The following SEPTIN6 variants were observed in gnomAD, a reference collection of about 807,000 sequenced individuals.
SEPTIN6 encodes septin-6.
In SEPTIN6, 8 loss-of-function variants were observed where a neutral mutation model predicts 33.6. The observed-to-expected ratio is 0.24, with a 90% CI of 0.14 to 0.43. SEPTIN6 has a LOEUF of 0.43. Ranked by LOEUF, SEPTIN6 falls within the 20% of genes least tolerant of loss-of-function variation. The probability of loss-of-function intolerance (pLI) is 1.00; values close to 1 mark genes in which losing one functional copy is unlikely to be tolerated. For missense variants in SEPTIN6, 250 were observed against 340.8 expected (o/e 0.73, Z 2.10); for synonymous variants, 131 against 140.0 (o/e 0.94, Z 0.45).
intron 8 of SEPTIN6, among the ~76,000 whole-genome samples, chrX:119,631,511 C>T (rs912387840): frequency 9.0e-6 from 1 of 111,438 alleles, no homozygotes; most frequent in Non-Finnish European, 1.9e-5. Flanking sequence ...CTAGGGCTGC[C>T]TATCAATTGC....
chrX:119,669,759 C>T (rs748077218), intron 2 of SEPTIN6, among the ~76,000 whole-genome samples: 1 of 111,975 alleles, frequency 8.9e-6, no homozygotes, highest in Admixed American at 9.5e-5. Flanking sequence ...GACAAATAAG[C>T]AGCTGCCTTT....
rs887107076 is a variant in SEPTIN6 at position 119,618,599 on chromosome X, G to A, written c.*1494C>T. The A allele has an allele frequency of 2.9e-5, 30 of 1,034,831 alleles. No homozygotes were observed. The highest frequency in any genetic ancestry group is 3.4e-5 in the South Asian group (1 of 29,015). The allele number at this position is 1,034,831 out of a possible 1,213,427, so 85.3% of individuals were successfully genotyped here. A position where few individuals can be genotyped will look rare whatever the true frequency, so the allele number is the denominator to read the frequency against. On this transcript the variant is annotated 3_prime_UTR_variant, in exon 11 of 11. Coordinates refer to ENST00000394610, the MANE Select transcript of SEPTIN6 (RefSeq NM_145799.4). ...CAGTGCCAGTGGGGCTGGGAGGCAG[G>A]AGCAAGTTGCGGAACTCAAAAAGAA...
At chrX:119,635,092 C>G (rs1158437072) in intron 7 of SEPTIN6, 1 of 346,566 alleles carries the variant, frequency 2.9e-6, no homozygotes, top group African/African-American at 2.6e-5. Flanking sequence ...ATGGAGGGAG[C>G]AGTAAGGGAA....
intron 8 of SEPTIN6, among the ~76,000 whole-genome samples, chrX:119,630,929 G>GT (rs1417062797): frequency 9.1e-6 from 1 of 109,982 alleles, no homozygotes; most frequent in Non-Finnish European, 1.9e-5. Flanking sequence ...TGCCATTGTG[G>GT]TAAGTGGATC....
intron 2 of SEPTIN6, among the ~76,000 whole-genome samples, chrX:119,673,720 T>C (rs1222570301): frequency 9.3e-6 from 1 of 107,394 alleles, no homozygotes. Flanking sequence ...CGTGCACCTA[T>C]AGTCCCAGGT....
chrX:119,676,408 G>A (rs1162533926), intron 1 of SEPTIN6, among the ~76,000 whole-genome samples: 1 of 107,773 alleles, frequency 9.3e-6, no homozygotes, highest in East Asian at 2.9e-4. Flanking sequence ...AGGCTGCAGT[G>A]AGCCGAGATC....
At chrX:119,616,166 C>A, downstream of SEPTIN6, 1 of 220,350 alleles carries the variant, frequency 4.5e-6, no homozygotes, top group South Asian at 1.2e-4. Flanking sequence ...CCCTTCTCTA[C>A]CTAAGTGTTA....
chrX:119,661,041 C>CAA (rs58898121), intron 3 of SEPTIN6, among the ~76,000 whole-genome samples: 198 of 9,521 alleles, frequency 0.021, 37 homozygotes, highest in Non-Finnish European at 0.029. Flanking sequence ...GACTCCATCT[C>CAA]AAAAAAAAAA....
At position 119,655,305 on chromosome X, in the gene SEPTIN6, C is replaced by T. The variant is rs959599101; in HGVS notation, c.342-2265G>A. ...TCATCTCTGTATCCTCCACGTCTAG[C>T]CTGCTGTCTGGAACATAGTAAAGTT... On this transcript the variant is annotated intron_variant, in intron 3 of 10. Coordinates refer to ENST00000394610, the MANE Select transcript of SEPTIN6 (RefSeq NM_145799.4). Among the ~76,000 whole-genome samples, 6 of 110,271 alleles carry T rather than the reference C, an allele frequency of 5.4e-5. 1 individual carries two copies. Among genetic ancestry groups the T allele is most frequent in the Non-Finnish European group, 1.1e-4 (6 of 52,826 alleles).
chrX:119,639,402 C>T (rs1569424991), intron 6 of SEPTIN6, among the ~76,000 whole-genome samples: 1 of 112,121 alleles, frequency 8.9e-6, no homozygotes, highest in Non-Finnish European at 1.9e-5. Context: ...ACTGACTAGC[C>T]CTGAGGGTAA....
chrX:119,618,405 C>G lies in SEPTIN6; in HGVS notation c.*1688G>C. On this transcript the variant is annotated 3_prime_UTR_variant, in exon 11 of 11. Coordinates refer to ENST00000394610, the MANE Select transcript of SEPTIN6 (RefSeq NM_145799.4). ...GCATATGTTTGCTTTTCATTTTTTT[C>G]TTTTTGCTTCCTATTATGATCTATA... 1 of 840,729 alleles carries G rather than the reference C, an allele frequency of 1.2e-6. No homozygotes were observed. Among genetic ancestry groups the G allele is most frequent in the East Asian group, 6.1e-5 (1 of 16,412 alleles). The allele number at this position is 840,729 out of a possible 1,213,427, so 69.3% of individuals were successfully genotyped here. A position where few individuals can be genotyped will look rare whatever the true frequency, so the allele number is the denominator to read the frequency against.
chrX:119,677,538 A>T (rs771535519), intron 1 of SEPTIN6, among the ~76,000 whole-genome samples: 2 of 112,764 alleles, frequency 1.8e-5, no homozygotes, highest in East Asian at 5.6e-4. Context: ...CAGTCCAAGA[A>T]GGGCACGGTT....
At chrX:119,636,476 G>A (rs1170563804) in intron 7 of SEPTIN6, among the ~76,000 whole-genome samples, 1 of 112,178 alleles carries the variant, frequency 8.9e-6, no homozygotes, top group African/African-American at 3.2e-5. Flanking sequence ...AACAGAACTT[G>A]CACTTGAATG....
intron 2 of SEPTIN6, among the ~76,000 whole-genome samples, chrX:119,668,331 AG>A (rs1208731059): frequency 1.3e-4 from 11 of 83,983 alleles, no homozygotes; most frequent in African/African-American, 4.4e-4. Context: ...AGAGAGAGAG[AG>A]ACAGAGAGAG....
intron 10 of SEPTIN6, among the ~76,000 whole-genome samples, chrX:119,621,799 TTA>T: frequency 2.6e-5 from 2 of 77,527 alleles, no homozygotes; most frequent in Middle Eastern, 0.014. Flanking sequence ...GCCAACTCTC[TTA>T]AAAAAAAAAA....
At chrX:119,671,717 T>C (rs1262448831) in intron 2 of SEPTIN6, among the ~76,000 whole-genome samples, 5 of 110,358 alleles carry the variant, frequency 4.5e-5, no homozygotes, top group Admixed American at 2.9e-4. Flanking sequence ...CAGTAAGCTG[T>C]GATCACGCCA....
In SEPTIN6 at chrX:119,651,164, C is replaced by T. The variant is rs745368323; in HGVS notation, c.529-1066G>A. 9.9e-5 allele frequency among the ~76,000 whole-genome samples: 11 copies of T among 111,360 alleles called. No individual in the cohort carries two copies. The Admixed American group carries it at 1.1e-3, about 11-fold the overall frequency. Reference sequence around the variant, plus strand: ...AAAAGGGGAGTCTGGGAGCTCCAGACGTGGAAGAAAAATCCTGCTTCCTCT... The same window carrying T: ...AAAAGGGGAGTCTGGGAGCTCCAGATGTGGAAGAAAAATCCTGCTTCCTCT... On this transcript the variant is annotated intron_variant, in intron 4 of 10. Coordinates refer to ENST00000394610, the MANE Select transcript of SEPTIN6 (RefSeq NM_145799.4).
intron 1 of SEPTIN6, among the ~76,000 whole-genome samples, chrX:119,681,865 C>T (rs944498145): frequency 4.5e-5 from 5 of 110,732 alleles, no homozygotes; most frequent in African/African-American, 1.6e-4. Flanking sequence ...AGCAGAATCC[C>T]GTCTCTACAA....
In SEPTIN6 at chrX:119,693,126, C is replaced by T. The variant is rs753222188; in HGVS notation, c.-21G>A. ...GCCATCGCTCCTGCGTCCGCCAGGG[C>T]TGCCACGGGTGCCGCCGCAACGGGA... On this transcript the variant is annotated 5_prime_UTR_variant, in exon 1 of 11. Coordinates refer to ENST00000394610, the MANE Select transcript of SEPTIN6 (RefSeq NM_145799.4). The T allele has an allele frequency of 1.4e-5, 16 of 1,168,079 alleles. No homozygotes were observed. In the South Asian group the frequency reaches 1.7e-4, roughly 12 times the overall value.
Sources: gnomAD v4.1 joint callset for allele counts (sites outside exome capture counted in the v4.1 genomes callset) on GRCh38, gnomAD v4.1.1 for gene constraint, MANE v1.5 for transcripts, NCBI Gene and HGNC (gene_info 2026-07-23, HGNC 2026-07-21) for gene names.